Variants in RAI2 observed in about 807,000 individuals in gnomAD.
RAI2 encodes the protein retinoic acid-induced protein 2.
A neutral mutation model predicts 15.3 loss-of-function variants in RAI2; 5 were observed. The observed-to-expected ratio is 0.33, with a 90% CI of 0.17 to 0.69. The LOEUF (loss-of-function observed/expected upper bound fraction) is 0.69. Ranked by LOEUF, RAI2 falls within the 30% of genes least tolerant of loss-of-function variation. The probability of loss-of-function intolerance (pLI) is 0.69; values close to 1 mark genes in which losing one functional copy is unlikely to be tolerated. For missense variants in RAI2, 424 were observed against 424.7 expected, an observed-to-expected ratio of 1.00 and a Z score of 0.01; for synonymous variants, 191 against 184.0, an observed-to-expected ratio of 1.04 and a Z score of -0.31.
chrX:17,851,679 C>T, intron 1 of RAI2, among the ~76,000 whole-genome samples: 1 of 111,527 alleles, frequency 9.0e-6, no homozygotes, highest in South Asian at 3.9e-4. Context: ...AAGCACAGCA[C>T]TGTTTAGCTA....
intron 1 of RAI2, among the ~76,000 whole-genome samples, chrX:17,814,166 G>T (rs183330390): frequency 9.2e-6 from 1 of 109,222 alleles, no homozygotes; most frequent in Admixed American, 9.9e-5. Flanking sequence ...ACCACTGTGG[G>T]CAACTGAAGC....
intron 1 of RAI2, among the ~76,000 whole-genome samples, chrX:17,821,042 G>A (rs920314105): frequency 8.9e-6 from 1 of 111,778 alleles, no homozygotes; most frequent in Non-Finnish European, 1.9e-5. Context: ...TGGGACTATA[G>A]GCGTGAGCCA....
rs781225096 is a variant in RAI2, at chrX:17,809,529, G to GT, written c.-24-7496dup. Among the ~76,000 whole-genome samples the GT allele has an allele frequency of 2.5e-4, 28 of 111,559 alleles. No individual in the cohort carries two copies. In the East Asian group the frequency reaches 7.0e-3, roughly 28 times the overall value. On this transcript the variant is annotated intron_variant, in intron 1 of 1. Transcript: ENST00000451717. ...TTATCATCTAATCTTTTTAATTCCTGTTTTTTATTTTATAGTGTATGTAAT... is the reference window on the plus strand; with the variant it reads ...TTATCATCTAATCTTTTTAATTCCTGTTTTTTTATTTTATAGTGTATGTAAT...
At chrX:17,844,307 G>A (rs909233585) in intron 1 of RAI2, among the ~76,000 whole-genome samples, 11 of 112,766 alleles carry the variant, frequency 9.8e-5, no homozygotes, top group African/African-American at 3.2e-4. Context: ...CGCTGTGCCT[G>A]GCCTTACCTT....
At chrX:17,823,484 G>A (rs1025316934) in intron 1 of RAI2, among the ~76,000 whole-genome samples, 3 of 111,770 alleles carry the variant, frequency 2.7e-5, no homozygotes, top group African/African-American at 9.8e-5. Flanking sequence ...GCCTCCCATG[G>A]CCCACAGTAG....
intron 1 of RAI2, among the ~76,000 whole-genome samples, chrX:17,820,313 G>A (rs2067150750): frequency 8.9e-6 from 1 of 112,318 alleles, no homozygotes. Flanking sequence ...GGAACGGAGA[G>A]GGAGTATTAA....
At chrX:17,809,757 C>A (rs1396440950) in intron 1 of RAI2, among the ~76,000 whole-genome samples, 1 of 110,612 alleles carries the variant, frequency 9.0e-6, no homozygotes, top group Non-Finnish European at 1.9e-5. Context: ...CTGGCCCAAC[C>A]TACCCCTTCT....
chrX:17,809,730 A>T (rs1682999850), intron 1 of RAI2, among the ~76,000 whole-genome samples: 1 of 110,696 alleles, frequency 9.0e-6, no homozygotes, highest in South Asian at 3.9e-4. Flanking sequence ...CCCCTGCCTT[A>T]ACAAGTCTTA....
chrX:17,813,911 T>G (rs113179769), intron 1 of RAI2, among the ~76,000 whole-genome samples: 2,300 of 111,380 alleles, frequency 0.021, 51 homozygotes, highest in African/African-American at 0.07. Context: ...GACCATCACC[T>G]ATTATGTGCT....
At chrX:17,834,129 C>T (rs1040863335) in intron 1 of RAI2, among the ~76,000 whole-genome samples, 3 of 111,977 alleles carry the variant, frequency 2.7e-5, no homozygotes, top group Non-Finnish European at 3.8e-5. Flanking sequence ...TAGTCAAAGG[C>T]AGGCACCCAG....
chrX:17,832,001 T>C lies in RAI2; in HGVS notation c.-25+29097A>G, dbSNP rs915305901. Among the ~76,000 whole-genome samples the C allele has an allele frequency of 3.6e-5, 4 of 112,220 alleles. No homozygotes were observed. In the Admixed American group the frequency reaches 3.8e-4, roughly 11 times the overall value. On this transcript the variant is annotated intron_variant, in intron 1 of 1. Coordinates refer to ENST00000451717, the MANE Select transcript of RAI2 (RefSeq NM_021785.6). ...TTATTGTCTCTAATCAAAGCAAGCA[T>C]TGCACTGTATTGTAATCACTTGTTT...
rs191169983 is a variant in RAI2, at chrX:17,808,231, G to A, written c.-24-6197C>T. Among the ~76,000 whole-genome samples, 577 of 110,671 alleles carry A rather than the reference G, an allele frequency of 5.2e-3. 2 individuals are homozygous for A. The highest frequency in any genetic ancestry group is 7.2e-3 in the Non-Finnish European group (382 of 52,921). On this transcript the variant is annotated intron_variant, in intron 1 of 1. Transcript: ENST00000451717. ...TGTTGCTCAAAGTGGGGTCCTTGGA[G>A]CAGCAGCAGCAGCAGCACCCAGGAT...
rs73636669 is a variant in RAI2, at chrX:17,820,371, C to T, written c.-24-18337G>A. ...TTGGTCTTTGGACAACAATTGTGCT[C>T]AACTGAGGGGGCCCTGTGGGAGAGA... On this transcript the variant is annotated intron_variant, in intron 1 of 1. Coordinates refer to ENST00000451717, the MANE Select transcript of RAI2 (RefSeq NM_021785.6). Among the ~76,000 whole-genome samples the T allele has an allele frequency of 7.2e-3, 807 of 112,039 alleles. 7 individuals carry two copies. Among genetic ancestry groups the T allele is most frequent in the African/African-American group, 0.025 (781 of 30,817 alleles).
At chrX:17,807,446 C>T (rs1005621771) in intron 1 of RAI2, among the ~76,000 whole-genome samples, 1 of 112,130 alleles carries the variant, frequency 8.9e-6, no homozygotes, top group East Asian at 2.8e-4. Context: ...TGTTCTCATC[C>T]TCACCCTCTT....
intron 1 of RAI2, among the ~76,000 whole-genome samples, chrX:17,840,008 T>TA (rs1197567618): frequency 5.9e-4 from 67 of 112,839 alleles, no homozygotes; most frequent in African/African-American, 2.0e-3. Context: ...GTTAAGAACT[T>TA]AAAGAATAAA....
chrX:17,820,171 C>T (rs2067149536), intron 1 of RAI2, among the ~76,000 whole-genome samples: 1 of 112,044 alleles, frequency 8.9e-6, no homozygotes, highest in Non-Finnish European at 1.9e-5. Context: ...GCAGCAACAT[C>T]AGCCCCCAAA....
intron 1 of RAI2, among the ~76,000 whole-genome samples, chrX:17,838,081 CTACCTA>C (rs1470177525): frequency 8.9e-6 from 1 of 112,447 alleles, no homozygotes; most frequent in African/African-American, 3.2e-5. Flanking sequence ...GACAAAAAGA[CTACCTA>C]TACTGCATGA....
intron 1 of RAI2, among the ~76,000 whole-genome samples, chrX:17,803,249 G>A (rs1270003246): frequency 9.0e-6 from 1 of 111,514 alleles, no homozygotes; most frequent in Admixed American, 9.5e-5. Context: ...AACGAGGCTG[G>A]GTGCAGTGGC....
intron 1 of RAI2, among the ~76,000 whole-genome samples, chrX:17,833,769 A>G (rs775921825): frequency 3.6e-5 from 4 of 112,080 alleles, no homozygotes; most frequent in African/African-American, 6.5e-5. Context: ...TCAATTTAAA[A>G]AGTAAAACAA....
Sources: gnomAD v4.1 joint callset for allele counts (sites outside exome capture counted in the v4.1 genomes callset) on GRCh38, gnomAD v4.1.1 for gene constraint, MANE v1.5 for transcripts, NCBI Gene and HGNC (gene_info 2026-07-23, HGNC 2026-07-21) for gene names.